Variants in GRHL2 observed in about 807,000 individuals in gnomAD.
The protein encoded by GRHL2 is grainyhead-like protein 2 homolog.
In GRHL2, 21 loss-of-function variants were observed where a neutral mutation model predicts 83.8. The ratio of observed to expected loss-of-function variants is 0.25; its 90% CI spans 0.18 to 0.36. The LOEUF is 0.36. GRHL2 is among the 10% of genes least tolerant of loss of function. The pLI, the probability that GRHL2 is intolerant of heterozygous loss-of-function variation, is 1.00. For missense variants in GRHL2, 623 were observed against 781.8 expected, an observed-to-expected ratio of 0.80 and a Z score of 2.42; for synonymous variants, 280 against 278.9, an observed-to-expected ratio of 1.00 and a Z score of -0.04.
chr8:101,507,770 C>CTTT (rs11295472), intron 1 of GRHL2, among the ~76,000 whole-genome samples: 3 of 66,306 alleles, frequency 4.5e-5, no homozygotes, highest in Admixed American at 3.6e-4. Flanking sequence ...ATGATTATCC[C>CTTT]TTTTTTTTTT....
downstream of GRHL2, among the ~76,000 whole-genome samples, chr8:101,671,125 A>G (rs897844207): frequency 6.6e-6 from 1 of 152,164 alleles, no homozygotes; most frequent in African/African-American, 2.4e-5. Context: ...CTGTATTTCC[A>G]TCTGAGGTAC....
At position 101,626,186 on chromosome 8, in the gene GRHL2, A is replaced by AT. The variant is rs199813488; in HGVS notation, c.1258-5447dup. Among the ~76,000 whole-genome samples, 904 of 152,032 alleles carry AT rather than the reference A, an allele frequency of 5.9e-3. 7 individuals are homozygous for AT. The highest frequency in any genetic ancestry group is 0.02 in the African/African-American group (813 of 41,490). On this transcript the variant is annotated intron_variant, in intron 9 of 15. Transcript: ENST00000646743. Reference sequence around the variant, plus strand: ...GGGCTATTCCATTTTAAAACCATACATTTTCTCATCACAGTCTATAGTTTT... The same window carrying AT: ...GGGCTATTCCATTTTAAAACCATACATTTTTCTCATCACAGTCTATAGTTTT...
intron 1 of GRHL2, among the ~76,000 whole-genome samples, chr8:101,534,452 A>G (rs1586070323): frequency 6.6e-6 from 1 of 152,224 alleles, no homozygotes; most frequent in East Asian, 1.9e-4. Context: ...AGAGACTTAC[A>G]AAGATGGAAG....
Position 101,493,507 on chromosome 8 carries a change from G to A in GRHL2, c.20+718G>A, listed in dbSNP as rs1013082691. Among the ~76,000 whole-genome samples the A allele has an allele frequency of 2.6e-5, 4 of 152,036 alleles. No individual in the cohort carries two copies. The East Asian group carries it at 7.8e-4, about 29-fold the overall frequency. Reference sequence around the variant, plus strand: ...CCTCAGGTGCCCGGGGGGAAAGGACGGTTCGCGAACTGGGGGAACTCATGT... The same window carrying A: ...CCTCAGGTGCCCGGGGGGAAAGGACAGTTCGCGAACTGGGGGAACTCATGT... On this transcript the variant is annotated intron_variant, in intron 1 of 15. Transcript: ENST00000646743.
chr8:101,581,129 C>T (rs886296972), intron 7 of GRHL2, among the ~76,000 whole-genome samples: 1 of 152,240 alleles, frequency 6.6e-6, no homozygotes, highest in Non-Finnish European at 1.5e-5. Context: ...TCACAGACAT[C>T]CTGATTCTTT....
intron 8 of GRHL2, among the ~76,000 whole-genome samples, chr8:101,609,703 T>C (rs1812709067): frequency 6.6e-6 from 1 of 150,860 alleles, no homozygotes; most frequent in African/African-American, 2.5e-5. Context: ...AAAAGCAAGA[T>C]GCAGACCTGT....
At position 101,587,546 on chromosome 8, in the gene GRHL2, A is replaced by C. The variant is rs528554094; in HGVS notation, c.1003+10027A>C. On this transcript the variant is annotated intron_variant, in intron 7 of 15. Coordinates refer to ENST00000646743, the MANE Select transcript of GRHL2 (RefSeq NM_024915.4). ...TGGACATTGAGTTGTTTTTCCCCTAACCGGTGGGACTTTTGTTATATCCAT... is the reference window on the plus strand; with the variant it reads ...TGGACATTGAGTTGTTTTTCCCCTACCCGGTGGGACTTTTGTTATATCCAT... Among the ~76,000 whole-genome samples the C allele has an allele frequency of 2.6e-5, 4 of 152,152 alleles. No homozygotes were observed. The South Asian group carries it at 8.3e-4, about 32-fold the overall frequency.
chr8:101,574,341 G>C (rs1383457640), intron 6 of GRHL2, among the ~76,000 whole-genome samples: 1 of 152,172 alleles, frequency 6.6e-6, no homozygotes, highest in Non-Finnish European at 1.5e-5. Context: ...TCAGATTCAT[G>C]AGTATTATTT....
intron 1 of GRHL2, among the ~76,000 whole-genome samples, chr8:101,517,429 G>T (rs1262664679): frequency 6.6e-6 from 1 of 152,192 alleles, no homozygotes; most frequent in African/African-American, 2.4e-5. Flanking sequence ...TGCAGGGAAA[G>T]TGTCCAGGCA....
chr8:101,499,373 C>T (rs1425490748), intron 1 of GRHL2, among the ~76,000 whole-genome samples: 1 of 152,120 alleles, frequency 6.6e-6, no homozygotes, highest in Non-Finnish European at 1.5e-5. Context: ...TTTAAACTAA[C>T]ATTTTCTTCT....
Position 101,524,797 on chromosome 8 carries a change from TA to T in GRHL2, c.21-18434del, listed in dbSNP as rs541961613. 1.3e-3 allele frequency among the ~76,000 whole-genome samples: 199 copies of T among 150,018 alleles called. 1 individual carries two copies. The highest frequency in any genetic ancestry group is 2.2e-3 in the Non-Finnish European group (151 of 67,348). On this transcript the variant is annotated intron_variant, in intron 1 of 15. Transcript: ENST00000646743. ...GGTACTTAAAAAATAATACTGGCTT[TA>T]AAAAAAAAATCCAGTTTGAAAGTAT...
intron 1 of GRHL2, among the ~76,000 whole-genome samples, chr8:101,500,294 C>G (rs1388196086): frequency 6.6e-6 from 1 of 152,008 alleles, no homozygotes; most frequent in African/African-American, 2.4e-5. Context: ...ACCTGGGAGT[C>G]CCTCAGATAG....
rs563747782 is a variant in GRHL2 at position 101,587,668 on chromosome 8, G to A, written c.1003+10149G>A. The stretch of plus-strand genomic sequence containing the variant: ...GACCTCATTATTTTCTTTTTCAGAT[G>A]TGCATTTAAGGAAACTTCAGGCACT... On this transcript the variant is annotated intron_variant, in intron 7 of 15. Transcript: ENST00000646743. Among the ~76,000 whole-genome samples the A allele has an allele frequency of 2.0e-5, 3 of 151,994 alleles. No homozygotes were observed. In the East Asian group the frequency reaches 5.8e-4, roughly 29 times the overall value.
intron 12 of GRHL2, among the ~76,000 whole-genome samples, chr8:101,641,877 C>A (rs1813408877): frequency 6.6e-6 from 1 of 152,152 alleles, no homozygotes. Context: ...TGACACACAT[C>A]CTCCCTTAAA....
At position 101,649,640 on chromosome 8, in the gene GRHL2, C is replaced by T. The variant is rs115225475; in HGVS notation, c.1698+141C>T. On this transcript the variant is annotated intron_variant, in intron 14 of 15. Transcript: ENST00000646743. ...AAGAAAAACCTAAGATTTGTGGAGG[C>T]ATTGATCTCGCTACTGTCAAGGCTT... 3.3e-3 allele frequency: 2,353 copies of T among 717,392 alleles called. 55 individuals carry two copies. The highest frequency in any genetic ancestry group is 0.027 in the South Asian group (1,771 of 66,494). 44.4% of individuals were successfully genotyped at this position (717,392 alleles called of 1,614,324 possible).
At chr8:101,553,718 C>A (rs998023798) in intron 3 of GRHL2, among the ~76,000 whole-genome samples, 1 of 151,408 alleles carries the variant, frequency 6.6e-6, no homozygotes, top group Admixed American at 6.6e-5. Context: ...ATCTCCGCCT[C>A]CCAGGTTCAA....
chr8:101,566,833 G>A (rs1386734697), intron 4 of GRHL2, among the ~76,000 whole-genome samples: 1 of 151,876 alleles, frequency 6.6e-6, no homozygotes, highest in Non-Finnish European at 1.5e-5. Flanking sequence ...TCTTCAGAAT[G>A]CCTGCACACA....
chr8:101,669,870 A>AAGTT (rs1375153607), downstream of GRHL2: 2 of 152,196 alleles, frequency 1.3e-5, no homozygotes, highest in East Asian at 1.9e-4. Context: ...TTTCCTGGTA[A>AAGTT]AGTTACTTTG....
chr8:101,515,133 A>C (rs1157925182), intron 1 of GRHL2, among the ~76,000 whole-genome samples: 1 of 149,622 alleles, frequency 6.7e-6, no homozygotes, highest in African/African-American at 2.5e-5. Flanking sequence ...GGAAAGAGAG[A>C]ATAGACTCAA....
Sources: allele counts gnomAD v4.1 joint callset (sites outside exome capture counted in the v4.1 genomes callset), GRCh38; gene constraint gnomAD v4.1.1; transcripts MANE v1.5; gene names NCBI Gene and HGNC (gene_info 2026-07-23, HGNC 2026-07-21).